Variants in RTN4 observed in about 807,000 individuals in gnomAD.
The protein encoded by RTN4 is reticulon-4.
A neutral mutation model predicts 90.4 loss-of-function variants in RTN4; 32 were observed. The ratio of observed to expected loss-of-function variants is 0.35; its 90% CI spans 0.27 to 0.48. The LOEUF (loss-of-function observed/expected upper bound fraction) is 0.48. Among genes scored for constraint, RTN4 ranks in the 20% least tolerant of loss-of-function variants. The probability of loss-of-function intolerance (pLI) is 0.99; values close to 1 mark genes in which losing one functional copy is unlikely to be tolerated. For missense variants in RTN4, 1,706 were observed against 1,430.2 expected (o/e 1.19, Z -3.11); for synonymous variants, 629 against 552.5 (o/e 1.14, Z -1.94).
chr2:55,070,563 A>AAAAGAAAGAAAG (rs1184353401), intron 2 of RTN4, among the ~76,000 whole-genome samples: 4 of 148,514 alleles, frequency 2.7e-5, no homozygotes, highest in African/African-American at 7.5e-5. Flanking sequence ...AAAAAAAAAA[A>AAAAGAAAGAAAG]AAAGAAAGAA....
rs557403947 is a variant in RTN4 at position 54,986,893 on chromosome 2, T to G, written c.3221+598A>C. On this transcript the variant is annotated intron_variant, in intron 4 of 8. Transcript: ENST00000337526. ...GGGGAAAAACACGCAGAGTATGAGG[T>G]GAGGGCAGAAGACTCAAGCTGAGGT... Among the ~76,000 whole-genome samples the G allele has an allele frequency of 5.3e-5, 8 of 151,782 alleles. No individual in the cohort carries two copies. The South Asian group carries it at 1.7e-3, about 32-fold the overall frequency.
chr2:55,074,325 G>C (rs548851021), intron 2 of RTN4, among the ~76,000 whole-genome samples: 28 of 152,024 alleles, frequency 1.8e-4, no homozygotes, highest in Admixed American at 1.8e-3. Flanking sequence ...AACATAGCAA[G>C]ACCCCTGTCT....
At chr2:55,082,495 C>A (rs1316457276) in intron 1 of RTN4, among the ~76,000 whole-genome samples, 1 of 152,182 alleles carries the variant, frequency 6.6e-6, no homozygotes. Flanking sequence ...CAATTTCACC[C>A]ACCCCTGGCC....
chr2:55,041,257 T>A (rs1683055891), intron 1 of RTN4, among the ~76,000 whole-genome samples: 2 of 152,090 alleles, frequency 1.3e-5, no homozygotes, highest in Admixed American at 1.3e-4. Context: ...TTTTTTTAAA[T>A]ACATGTTAAT....
intron 1 of RTN4, among the ~76,000 whole-genome samples, chr2:55,103,402 C>T (rs1374816663): frequency 2.0e-5 from 3 of 151,990 alleles, no homozygotes; most frequent in African/African-American, 4.8e-5. Context: ...TATTATATAG[C>T]ATAGTGCCTA....
At chr2:55,012,196 G>A (rs1277831045) in intron 3 of RTN4, among the ~76,000 whole-genome samples, 2 of 152,150 alleles carry the variant, frequency 1.3e-5, no homozygotes, top group African/African-American at 2.4e-5. Flanking sequence ...TGTATCTTCC[G>A]TGGTACTTGA....
In RTN4 at chr2:55,050,380, G is replaced by T. The variant is rs1400574510; in HGVS notation, c.-80C>A. On this transcript the variant is annotated 5_prime_UTR_variant, in exon 1 of 9. Coordinates refer to ENST00000337526, the MANE Select transcript of RTN4 (RefSeq NM_020532.5). The surrounding 1 kb of genome is among the most constrained non-coding windows in gnomAD (Gnocchi z 4.6). ...CTCAGAGCCGCGGGCGGTTGTGGGGGTTGGGGAGGACTGAGAGGGGCTGGG... is the reference window on the plus strand; with the variant it reads ...CTCAGAGCCGCGGGCGGTTGTGGGGTTTGGGGAGGACTGAGAGGGGCTGGG... 3 of 923,542 alleles carry T rather than the reference G, an allele frequency of 3.2e-6. No individual in the cohort carries two copies. The highest frequency in any genetic ancestry group is 2.3e-5 in the South Asian group (1 of 42,592). The allele number at this position is 923,542 out of a possible 1,614,324, so 57.2% of individuals were successfully genotyped here.
chr2:55,045,815 T>C (rs542112631), intron 1 of RTN4, among the ~76,000 whole-genome samples: 15 of 152,238 alleles, frequency 9.9e-5, no homozygotes, highest in Non-Finnish European at 2.2e-4. Flanking sequence ...TTAATTAACC[T>C]TGGTTTAGAA....
At chr2:54,985,424 C>T (rs1234937905) in intron 4 of RTN4, among the ~76,000 whole-genome samples, 1 of 152,008 alleles carries the variant, frequency 6.6e-6, no homozygotes, top group African/African-American at 2.4e-5. Flanking sequence ...GATCCCAAAG[C>T]ACTAGTATTA....
chr2:55,035,082 A>G (rs184065071), intron 1 of RTN4, among the ~76,000 whole-genome samples: 1 of 152,320 alleles, frequency 6.6e-6, no homozygotes, highest in Non-Finnish European at 1.5e-5. Flanking sequence ...AAAATCAAAG[A>G]ACCCAAAAAG....
intron 1 of RTN4, among the ~76,000 whole-genome samples, chr2:55,041,434 A>G (rs1683067976): frequency 6.6e-6 from 1 of 152,100 alleles, no homozygotes; most frequent in African/African-American, 2.4e-5. Context: ...TACACACATA[A>G]GATAGCCAAG....
chr2:55,134,455 A>G, the RTN4 span, among the ~76,000 whole-genome samples: 144,635 of 152,168 alleles, frequency 0.95, 68,837 homozygotes, highest in African/African-American at 0.98. Context: ...AAGTCCAGAG[A>G]CAGCCCCCAG....
At chr2:55,072,942 A>G (rs2105018983) in intron 2 of RTN4, among the ~76,000 whole-genome samples, 1 of 152,334 alleles carries the variant, frequency 6.6e-6, no homozygotes, top group South Asian at 2.1e-4. Context: ...ATCCCCTGAA[A>G]ATGAGCTTCT....
At chr2:55,131,049 A>G in the RTN4 span, among the ~76,000 whole-genome samples, 7 of 152,150 alleles carry the variant, frequency 4.6e-5, no homozygotes, top group Admixed American at 4.6e-4. Flanking sequence ...TACGTATTGT[A>G]TGATGATACT....
chr2:55,047,255 G>A (rs977997082), intron 1 of RTN4, among the ~76,000 whole-genome samples: 3 of 151,656 alleles, frequency 2.0e-5, no homozygotes, highest in African/African-American at 4.9e-5. Context: ...ACTTGAACCT[G>A]GGAGGCGGAG....
At chr2:55,058,950 G>A (rs994847469) in intron 2 of RTN4, among the ~76,000 whole-genome samples, 7 of 151,816 alleles carry the variant, frequency 4.6e-5, no homozygotes, top group Non-Finnish European at 4.4e-5. Context: ...TCAAGTGATC[G>A]TCGCCACCTC....
intron 5 of RTN4, among the ~76,000 whole-genome samples, chr2:54,975,115 T>C (rs1677514809): frequency 6.6e-6 from 1 of 152,222 alleles, no homozygotes; most frequent in African/African-American, 2.4e-5. Context: ...CTATTAGAAT[T>C]GATTTCAAAG....
intron 2 of RTN4, among the ~76,000 whole-genome samples, chr2:55,063,436 A>G (rs936018434): frequency 6.6e-6 from 1 of 152,130 alleles, no homozygotes; most frequent in African/African-American, 2.4e-5. Context: ...AAAGGAGGCC[A>G]TGTAGCTGGA....
At chr2:54,981,295 T>C (rs549059590) in intron 5 of RTN4, among the ~76,000 whole-genome samples, 1 of 150,882 alleles carries the variant, frequency 6.6e-6, no homozygotes, top group Non-Finnish European at 1.5e-5. Flanking sequence ...TTTTTTTTTT[T>C]AAAAAGCACT....
Sources: allele counts gnomAD v4.1 joint callset (sites outside exome capture counted in the v4.1 genomes callset), GRCh38; gene constraint gnomAD v4.1.1; non-coding constraint Gnocchi (gnomAD v3.1); transcripts MANE v1.5; gene names NCBI Gene and HGNC (gene_info 2026-07-23, HGNC 2026-07-21).